Variants in GABPA observed in about 807,000 individuals in gnomAD.
The protein encoded by GABPA is GA-binding protein alpha chain.
In GABPA, 4 loss-of-function variants were observed where a neutral mutation model predicts 59.4. The observed-to-expected ratio is 0.07, with a 90% CI of 0.03 to 0.15. The LOEUF (loss-of-function observed/expected upper bound fraction) is 0.15. Ranked by LOEUF, GABPA falls within the 10% of genes least tolerant of loss-of-function variation. GABPA has a pLI of 1.00. For missense variants in GABPA, 251 were observed against 543.8 expected (o/e 0.46, Z 5.36); for synonymous variants, 164 against 183.1 (o/e 0.90, Z 0.84).
chr21:25,753,518 T>C lies in GABPA; in HGVS notation c.553+1284T>C, dbSNP rs180698487. On this transcript the variant is annotated intron_variant, in intron 5 of 9. Coordinates refer to ENST00000400075, the MANE Select transcript of GABPA (RefSeq NM_002040.4). Reference sequence around the variant, plus strand: ...GACAGAAAGAAAGTAATAACTTATATGTATAGTGTCACTGAAATTGAGGGG... The same window carrying C: ...GACAGAAAGAAAGTAATAACTTATACGTATAGTGTCACTGAAATTGAGGGG... 3.3e-4 allele frequency among the ~76,000 whole-genome samples: 51 copies of C among 152,314 alleles called. No homozygotes were observed. The East Asian group carries it at 9.3e-3, about 28-fold the overall frequency.
At chr21:25,746,350 T>C (rs1601119701) in intron 3 of GABPA, among the ~76,000 whole-genome samples, 1 of 152,204 alleles carries the variant, frequency 6.6e-6, no homozygotes, top group Non-Finnish European at 1.5e-5. Flanking sequence ...CTTAGATTAA[T>C]GTATATTGTT....
intron 7 of GABPA, chr21:25,762,857 G>T: frequency 4.9e-6 from 1 of 204,628 alleles, no homozygotes. Flanking sequence ...TCATTTGGTG[G>T]GAGTTGCAAT....
intron 5 of GABPA, among the ~76,000 whole-genome samples, chr21:25,755,510 T>C (rs529033676): frequency 5.9e-5 from 9 of 151,580 alleles, no homozygotes; most frequent in African/African-American, 2.2e-4. Context: ...TGCAGATACC[T>C]GTCAGCAGTA....
At chr21:25,741,697 A>AT (rs34799367) in intron 2 of GABPA, 22 bp downstream of exon 2, 106 of 1,531,526 alleles carry the variant, frequency 6.9e-5, no homozygotes, top group Middle Eastern at 5.1e-4. Context: ...TGAATTTATC[A>AT]TTTTTTTTCA....
At chr21:25,745,876 C>G (rs1055413536) in intron 3 of GABPA, among the ~76,000 whole-genome samples, 1 of 151,988 alleles carries the variant, frequency 6.6e-6, no homozygotes, top group East Asian at 1.9e-4. Context: ...AAACATATCC[C>G]GAGTCATATT....
At position 25,735,351 on chromosome 21, in the gene GABPA, G is replaced by T; in HGVS notation, c.-254G>T. The T allele has an allele frequency of 4.5e-6, 1 of 224,522 alleles. No individual in the cohort carries two copies. Among genetic ancestry groups the T allele is most frequent in the African/African-American group, 2.3e-5 (1 of 44,028 alleles). The allele number at this position is 224,522 out of a possible 1,614,324, so 13.9% of individuals were successfully genotyped here. Reference sequence around the variant, plus strand: ...CCGTTGCCTTGGGCGGTCGTTTTGCGCACCCTGCCGGGAGTTGTAGTCCTG... The same window carrying T: ...CCGTTGCCTTGGGCGGTCGTTTTGCTCACCCTGCCGGGAGTTGTAGTCCTG... On this transcript the variant is annotated 5_prime_UTR_variant, in exon 1 of 10. Coordinates refer to ENST00000400075, the MANE Select transcript of GABPA (RefSeq NM_002040.4).
intron 3 of GABPA, 123 bp downstream of exon 3, chr21:25,745,477 T>C: frequency 4.9e-6 from 4 of 822,162 alleles, no homozygotes; most frequent in Non-Finnish European, 7.2e-6. Context: ...TGTATTACTG[T>C]AAAATTTAAG....
chr21:25,746,872 C>T (rs865806365), intron 3 of GABPA, among the ~76,000 whole-genome samples: 1 of 152,016 alleles, frequency 6.6e-6, no homozygotes, highest in Non-Finnish European at 1.5e-5. Context: ...CATGGCTTTG[C>T]AAAAACTGAA....
chr21:25,758,218 G>T lies in GABPA; in HGVS notation c.748+14G>T. 1.3e-6 allele frequency: 2 copies of T among 1,538,786 alleles called. No homozygotes were observed. Among genetic ancestry groups the T allele is most frequent in the Non-Finnish European group, 8.8e-7 (1 of 1,134,844 alleles). ...TTCTCCGAAAATGTATGAAATTACA[G>T]TTATTTCTTTACATTGTAATTTAAG... is the stretch of plus-strand genomic sequence containing the variant. On this transcript the variant is annotated intron_variant, in intron 6 of 9. Transcript: ENST00000400075.
rs749916457 is a variant in GABPA, at chr21:25,752,324, A to C, written c.553+90A>C. 439 of 1,258,658 alleles carry C rather than the reference A, an allele frequency of 3.5e-4. 1 individual carries two copies. Among genetic ancestry groups the C allele is most frequent in the Non-Finnish European group, 4.3e-4 (387 of 902,152 alleles). The allele number at this position is 1,258,658 out of a possible 1,614,324, so 78.0% of individuals were successfully genotyped here. A position where few individuals can be genotyped will look rare whatever the true frequency, so the allele number is the denominator to read the frequency against. ...TAGGGTAAGTTATAATCTATTTTAC[A>C]TGTAGAGTTATTAGGATGAATGTTG... On this transcript the variant is annotated intron_variant, in intron 5 of 9. Coordinates refer to ENST00000400075, the MANE Select transcript of GABPA (RefSeq NM_002040.4).
intron 3 of GABPA, among the ~76,000 whole-genome samples, chr21:25,748,108 G>A (rs2035414675): frequency 6.6e-6 from 1 of 152,102 alleles, no homozygotes; most frequent in African/African-American, 2.4e-5. Context: ...GTTTCTCCAT[G>A]TTGCCCAGGC....
chr21:25,743,994 A>G (rs2035293796), intron 2 of GABPA, among the ~76,000 whole-genome samples: 1 of 149,284 alleles, frequency 6.7e-6, no homozygotes, highest in Non-Finnish European at 1.5e-5. Context: ...TAGTGAGCCA[A>G]GATCGCGCCA....
In GABPA at chr21:25,734,980, G is replaced by T; in HGVS notation, c.-625G>T. ...TTATGGGCCGCCGTTTCAGTCGGTC[G>T]ACGCTCACCGGACAGGAAGCGTCTC... On this transcript the variant is annotated 5_prime_UTR_variant, in exon 1 of 10. Coordinates refer to ENST00000400075, the MANE Select transcript of GABPA (RefSeq NM_002040.4). 6.4e-7 allele frequency: 1 copy of T among 1,560,124 alleles called. No individual in the cohort carries two copies.
intron 7 of GABPA, 65 bp from the exon 8 acceptor site, chr21:25,764,145 A>G (rs2035832736): frequency 7.4e-7 from 1 of 1,359,108 alleles, no homozygotes. Flanking sequence ...AATGTCTTTC[A>G]GTAATTTTTT....
intron 7 of GABPA, chr21:25,763,277 TC>T: frequency 2.8e-6 from 1 of 362,600 alleles, no homozygotes; most frequent in Non-Finnish European, 5.4e-6. Flanking sequence ...GGGGCATTTT[TC>T]CCCCCTTTTC....
intron 2 of GABPA, 35 bp from the exon 3 acceptor site, chr21:25,745,175 A>AG: frequency 6.2e-7 from 1 of 1,604,436 alleles, no homozygotes; most frequent in South Asian, 1.1e-5. Context: ...AGGGTAAAAA[A>AG]TGTAACTGTT....
chr21:25,746,160 C>T (rs540172721), intron 3 of GABPA, among the ~76,000 whole-genome samples: 12 of 151,920 alleles, frequency 7.9e-5, no homozygotes, highest in African/African-American at 2.7e-4. Flanking sequence ...TACTACAGGC[C>T]GATGCTTCCA....
intron 1 of GABPA, among the ~76,000 whole-genome samples, chr21:25,739,511 C>G (rs549703073): frequency 6.6e-6 from 1 of 152,310 alleles, no homozygotes; most frequent in East Asian, 1.9e-4. Context: ...CTCAAAGCTC[C>G]TTTCCTCCAT....
intron 1 of GABPA, among the ~76,000 whole-genome samples, chr21:25,739,559 A>G (rs1015738146): frequency 2.0e-5 from 3 of 152,142 alleles, no homozygotes; most frequent in African/African-American, 4.8e-5. Context: ...AGATCTTCAC[A>G]TTGAATCACT....
Sources: allele counts gnomAD v4.1 joint callset (sites outside exome capture counted in the v4.1 genomes callset), GRCh38; gene constraint gnomAD v4.1.1; transcripts MANE v1.5; gene names NCBI Gene and HGNC (gene_info 2026-07-23, HGNC 2026-07-21).